Variants in KCNIP3 observed in about 807,000 individuals in gnomAD.
KCNIP3 encodes potassium voltage-gated channel interacting protein 3.
In KCNIP3, 28 loss-of-function variants were observed where a neutral mutation model predicts 35.0. The observed-to-expected ratio is 0.80, with a 90% CI of 0.59 to 1.10. The LOEUF is 1.10. KCNIP3 is among the 50% of genes least tolerant of loss of function. The pLI is 0.00. For missense variants in KCNIP3, 295 were observed against 338.4 expected, an observed-to-expected ratio of 0.87 and a Z score of 1.01; for synonymous variants, 134 against 133.8, an observed-to-expected ratio of 1.00 and a Z score of -0.01.
At position 95,310,647 on chromosome 2, in the gene KCNIP3, G is replaced by A. The variant is rs773933028; in HGVS notation, c.181+127G>A. On this transcript the variant is annotated intron_variant, in intron 2 of 8. Transcript: ENST00000295225. The stretch of plus-strand genomic sequence containing the variant: ...GGGCTACATCGCCCCTGTCTCTATT[G>A]GAGGTGTGTTTTCATTCATTCACAC... 15 of 1,017,540 alleles carry A rather than the reference G, an allele frequency of 1.5e-5. No homozygotes were observed. In the African/African-American group the frequency reaches 2.4e-4, roughly 16 times the overall value. The allele number at this position is 1,017,540 out of a possible 1,614,324, so 63.0% of individuals were successfully genotyped here.
intron 2 of KCNIP3, among the ~76,000 whole-genome samples, chr2:95,372,260 G>A (rs544752404): frequency 1.3e-5 from 2 of 152,118 alleles, no homozygotes; most frequent in African/African-American, 2.4e-5. Flanking sequence ...TCTGCTCCAC[G>A]GCACAGTTCT....
intron 2 of KCNIP3, among the ~76,000 whole-genome samples, chr2:95,338,059 C>T (rs536433804): frequency 7.2e-5 from 11 of 152,262 alleles, no homozygotes; most frequent in East Asian, 1.9e-4. Context: ...TGATGGCCCA[C>T]GAGGAGCAGG....
intron 2 of KCNIP3, among the ~76,000 whole-genome samples, chr2:95,335,292 T>G (rs185434311): frequency 1.3e-5 from 2 of 152,280 alleles, no homozygotes; most frequent in African/African-American, 2.4e-5. Context: ...CAATTTTTAC[T>G]TAACTTGGAA....
chr2:95,381,215 C>G (rs139681502), intron 5 of KCNIP3, among the ~76,000 whole-genome samples: 2,246 of 152,292 alleles, frequency 0.015, 18 homozygotes, highest in Non-Finnish European at 0.021. Context: ...GTATCAGCTA[C>G]CATGCCACTC....
At chr2:95,360,960 A>C (rs1025867616) in intron 2 of KCNIP3, among the ~76,000 whole-genome samples, 2 of 152,176 alleles carry the variant, frequency 1.3e-5, no homozygotes, top group African/African-American at 4.8e-5. Flanking sequence ...GGAGACTTTG[A>C]TGGGGAGGAG....
intron 1 of KCNIP3, among the ~76,000 whole-genome samples, chr2:95,303,696 C>T (rs1405239440): frequency 6.6e-6 from 1 of 152,206 alleles, no homozygotes; most frequent in Non-Finnish European, 1.5e-5. Context: ...CCTTCTGAGG[C>T]AGCTGCGAGT....
chr2:95,365,306 C>T (rs1423059596), intron 2 of KCNIP3, among the ~76,000 whole-genome samples: 6 of 151,922 alleles, frequency 3.9e-5, no homozygotes, highest in Admixed American at 1.3e-4. Context: ...GGATTACAGG[C>T]GTGCACCACT....
In KCNIP3 at chr2:95,384,169, T is replaced by TAC. The variant is rs58903840; in HGVS notation, c.*156_*157dup. On this transcript the variant is annotated 3_prime_UTR_variant, in exon 9 of 9. Coordinates refer to ENST00000295225, the MANE Select transcript of KCNIP3 (RefSeq NM_013434.5). The stretch of plus-strand genomic sequence containing the variant: ...GATTTGCAAAAAGTGAACAGATTGC[T>TAC]ACACACACACACACACACACACACA... 0.26 allele frequency: 131,036 copies of TAC among 510,482 alleles called. 8,464 individuals carry two copies. Among genetic ancestry groups the TAC allele is most frequent in the African/African-American group, 0.35 (17,513 of 50,556 alleles). The allele number at this position is 510,482 out of a possible 1,614,324, so 31.6% of individuals were successfully genotyped here.
Position 95,376,182 on chromosome 2 carries a change from A to G in KCNIP3, c.447+974A>G, listed in dbSNP as rs1269675654. Among the ~76,000 whole-genome samples, 1 of 152,204 alleles carries G rather than the reference A, an allele frequency of 6.6e-6. No individual in the cohort carries two copies. Among genetic ancestry groups the G allele is most frequent in the East Asian group, 1.9e-4 (1 of 5,196 alleles). ...AGATTTGAAATACCAACCCCACAGCACACAGAAAACACCCGGTTAGCATGG... is the reference window on the plus strand; with the variant it reads ...AGATTTGAAATACCAACCCCACAGCGCACAGAAAACACCCGGTTAGCATGG... On this transcript the variant is annotated intron_variant, in intron 5 of 8. Coordinates refer to ENST00000295225, the MANE Select transcript of KCNIP3 (RefSeq NM_013434.5). This position sits in a 1 kb window ranked among gnomAD's most constrained non-coding sequence, Gnocchi z 4.2.
chr2:95,327,111 C>T (rs1678814436), intron 2 of KCNIP3, among the ~76,000 whole-genome samples: 1 of 152,234 alleles, frequency 6.6e-6, no homozygotes, highest in South Asian at 2.1e-4. Context: ...GCCACGTCTA[C>T]GGAACAAGGA....
chr2:95,382,782 G>A lies in KCNIP3; in HGVS notation c.660+301G>A, dbSNP rs1000188822. 1.3e-5 allele frequency among the ~76,000 whole-genome samples: 2 copies of A among 152,328 alleles called. No individual in the cohort carries two copies. The highest frequency in any genetic ancestry group is 3.4e-3 in the Middle Eastern group (1 of 294). On this transcript the variant is annotated intron_variant, in intron 7 of 8. Coordinates refer to ENST00000295225, the MANE Select transcript of KCNIP3 (RefSeq NM_013434.5). This position sits in a 1 kb window ranked among gnomAD's most constrained non-coding sequence, Gnocchi z 4.5. ...GCTCCTCCAGGAAGACGCTCTGGGA[G>A]AGGAGCAGGTTGGGGGCCTTCACCT...
At chr2:95,299,894 G>A (rs1161540840) in intron 1 of KCNIP3, among the ~76,000 whole-genome samples, 1 of 152,246 alleles carries the variant, frequency 6.6e-6, no homozygotes, top group African/African-American at 2.4e-5. Context: ...CGCCCATCTA[G>A]GACATTGTCT....
At chr2:95,302,982 G>T (rs995328887) in intron 1 of KCNIP3, 3 of 152,618 alleles carry the variant, frequency 2.0e-5, no homozygotes, top group African/African-American at 7.2e-5. Flanking sequence ...CCGGGAGCCT[G>T]GATACTTTAA....
chr2:95,349,015 A>G (rs1679445690), intron 2 of KCNIP3, among the ~76,000 whole-genome samples: 1 of 152,210 alleles, frequency 6.6e-6, no homozygotes, highest in Non-Finnish European at 1.5e-5. Context: ...CAGGGATATT[A>G]GCAATGCGTA....
chr2:95,309,580 C>T (rs1288889741), intron 1 of KCNIP3, among the ~76,000 whole-genome samples: 4 of 151,634 alleles, frequency 2.6e-5, no homozygotes, highest in Non-Finnish European at 4.4e-5. Flanking sequence ...CATGCCACCA[C>T]GTCTGGCTAA....
chr2:95,333,494 G>C (rs560373353), intron 2 of KCNIP3, among the ~76,000 whole-genome samples: 11 of 152,152 alleles, frequency 7.2e-5, no homozygotes, highest in African/African-American at 2.4e-4. Flanking sequence ...GCCCGCCCTC[G>C]GTCAACCTAG....
intron 2 of KCNIP3, among the ~76,000 whole-genome samples, chr2:95,343,699 G>C (rs955113307): frequency 1.3e-5 from 2 of 152,236 alleles, no homozygotes; most frequent in African/African-American, 4.8e-5. Flanking sequence ...TGCCGGGGCA[G>C]AGAGCCAAAA....
At chr2:95,310,038 G>A (rs1022731917) in intron 1 of KCNIP3, among the ~76,000 whole-genome samples, 3 of 152,228 alleles carry the variant, frequency 2.0e-5, no homozygotes, top group Non-Finnish European at 2.9e-5. Context: ...GTCCAGCTCC[G>A]ACAACCTGGC....
At chr2:95,360,609 A>G (rs930103305) in intron 2 of KCNIP3, among the ~76,000 whole-genome samples, 2 of 152,202 alleles carry the variant, frequency 1.3e-5, no homozygotes, top group Non-Finnish European at 2.9e-5. Flanking sequence ...TACCACAAAC[A>G]GGGTAATTTA....
Sources: allele counts gnomAD v4.1 joint callset (sites outside exome capture counted in the v4.1 genomes callset), GRCh38; gene constraint gnomAD v4.1.1; non-coding constraint Gnocchi (gnomAD v3.1); transcripts MANE v1.5; gene names NCBI Gene and HGNC (gene_info 2026-07-23, HGNC 2026-07-21).